RTEL1: variants seen among roughly 807,000 people sequenced by gnomAD.
RTEL1 encodes regulator of telomere elongation helicase 1, also known as regulator of telomere length.
In RTEL1, 86 loss-of-function variants were observed where a neutral mutation model predicts 162.2. The ratio of observed to expected loss-of-function variants is 0.53; its 90% CI spans 0.45 to 0.63. The LOEUF (loss-of-function observed/expected upper bound fraction) is 0.63. RTEL1 is among the 30% of genes least tolerant of loss of function. The pLI is 0.00. For synonymous variants in RTEL1, 958 were observed against 717.9 expected, an observed-to-expected ratio of 1.33 and a Z score of -5.35; for missense variants, 1,941 against 1,750.2, an observed-to-expected ratio of 1.11 and a Z score of -1.95.
intron 34 of RTEL1, 61 bp from the exon 35 acceptor site, chr20:63,695,717 C>G (rs945619212): frequency 6.2e-7 from 1 of 1,603,518 alleles, no homozygotes; most frequent in African/African-American, 1.3e-5. Flanking sequence ...GGGGAAAGGG[C>G]AGGCCCTTGT....
intron 12 of RTEL1, among the ~76,000 whole-genome samples, chr20:63,679,572 G>A (rs2090439990): frequency 6.6e-6 from 1 of 152,136 alleles, no homozygotes; most frequent in South Asian, 2.1e-4. Context: ...CCCACCTGGA[G>A]GCTCCTGAGG....
chr20:63,693,531 A>ACCTCCACCACCTCCACCTCCACCT lies in RTEL1; in HGVS notation c.2992+250_2992+251insTCCACCACCTCCACCTCCACCTCC, dbSNP rs1568720646. The stretch of plus-strand genomic sequence containing the variant: ...CACCTCCTCCACCACCACCACCTCC[A>ACCTCCACCACCTCCACCTCCACCT]CCACCACCACCACCACCACCACCTC... On this transcript the variant is annotated intron_variant, in intron 30 of 34. Coordinates refer to ENST00000360203, the MANE Select transcript of RTEL1 (RefSeq NM_001283009.2). Among the ~76,000 whole-genome samples, 2 of 12,492 alleles carry ACCTCCACCACCTCCACCTCCACCT rather than the reference A, an allele frequency of 1.6e-4. 1 individual carries two copies. The highest frequency in any genetic ancestry group is 3.5e-4 in the Non-Finnish European group (2 of 5,734). The allele number at this position is 12,492 out of a possible 152,430, so 8.2% of individuals were successfully genotyped here. A position where few individuals can be genotyped will look rare whatever the true frequency, so the allele number is the denominator to read the frequency against.
At chr20:63,684,784 T>A (rs907660295) in intron 14 of RTEL1, among the ~76,000 whole-genome samples, 2 of 152,082 alleles carry the variant, frequency 1.3e-5, no homozygotes, top group African/African-American at 4.8e-5. Flanking sequence ...CTTGTTCTTT[T>A]GAAACCTGCC....
chr20:63,667,918 C>T (rs888206620), intron 8 of RTEL1, among the ~76,000 whole-genome samples: 8 of 151,394 alleles, frequency 5.3e-5, no homozygotes, highest in Non-Finnish European at 1.2e-4. Flanking sequence ...CTCTTCCCAG[C>T]GCGTGCCCGG....
chr20:63,692,718 C>G, intron 28 of RTEL1, 87 bp from the exon 29 acceptor site: 1 of 1,306,952 alleles, frequency 7.7e-7, no homozygotes, highest in Non-Finnish European at 1.1e-6. Flanking sequence ...TCCCAGGGAA[C>G]GCTCAATGTT....
Position 63,694,454 on chromosome 20 carries a change from C to T in RTEL1, c.3075C>T (p.Gly1025=), listed in dbSNP as rs766455566. ...QLDPQEHLNQ[G]RPHLSPRPPP... ...ACCCCCAAGAGCACCTGAACCAGGG[C>T]AGGCCCCACCTGTCGCCCAGGCCAC... Residue 1025 remains glycine, a synonymous_variant, in exon 31 of 35, where the codon GGC becomes GGT. Coordinates refer to ENST00000360203, the MANE Select transcript of RTEL1 (RefSeq NM_001283009.2). 1.6e-5 allele frequency: 26 copies of T among 1,606,180 alleles called. No individual in the cohort carries two copies. Among genetic ancestry groups the T allele is most frequent in the Non-Finnish European group, 2.2e-5 (26 of 1,174,656 alleles).
At chr20:63,689,362 A>C in intron 22 of RTEL1, 140 bp from the exon 23 acceptor site, 1 of 1,032,032 alleles carries the variant, frequency 9.7e-7, no homozygotes, top group Non-Finnish European at 1.4e-6. Context: ...GTGGACCCCA[A>C]GTGGGGTCCT....
At position 63,689,663 on chromosome 20, in the gene RTEL1, G is replaced by A. The variant is rs1346019754; in HGVS notation, c.2025+15G>A. The A allele has an allele frequency of 6.2e-7, 1 of 1,609,740 alleles. No homozygotes were observed. Among genetic ancestry groups the A allele is most frequent in the Non-Finnish European group, 8.5e-7 (1 of 1,178,230 alleles). ...CTGGGGGCCAGGTGAGTTACAGCAG[G>A]GTGGGGCTGGGGTAAGGCGGTCTGG... On this transcript the variant is annotated intron_variant, in intron 23 of 34. Coordinates refer to ENST00000360203, the MANE Select transcript of RTEL1 (RefSeq NM_001283009.2).
rs137956338 is a variant in RTEL1, at chr20:63,685,536, T to C, written c.1205T>C (p.Val402Ala). The C allele has an allele frequency of 8.8e-5, 142 of 1,612,548 alleles. No individual in the cohort carries two copies. The African/African-American group carries it at 1.6e-3, about 19-fold the overall frequency. ...TCTGCCTTTCAGATTGTGTTCAGTG[T>C]GGACCCCTCCGAGGGCAGCCCTGGT... ...LADIIQIVFS[V>A]DPSEGSPGSP... Residue 402 changes from valine (V) to alanine (A), a missense_variant, in exon 15 of 35, where the codon GTG becomes GCG. Transcript: ENST00000360203.
chr20:63,691,380 G>T (rs1227938139), intron 27 of RTEL1, among the ~76,000 whole-genome samples: 1 of 152,138 alleles, frequency 6.6e-6, no homozygotes, highest in Non-Finnish European at 1.5e-5. Context: ...TTTTCTCCCT[G>T]CTTCCTGCTG....
chr20:63,691,027 C>T, intron 27 of RTEL1, 80 bp downstream of exon 27: 2 of 1,362,756 alleles, frequency 1.5e-6, no homozygotes, highest in Non-Finnish European at 2.0e-6. Context: ...TGGCCTCAGG[C>T]ACCTCCCCAC....
chr20:63,689,906 G>GC, intron 24 of RTEL1, 41 bp downstream of exon 24: 2 of 1,572,018 alleles, frequency 1.3e-6, no homozygotes, highest in Non-Finnish European at 1.7e-6. Flanking sequence ...CAGGGGACAC[G>GC]CCCACACCCC....
rs542721587 is a variant in RTEL1, at chr20:63,693,924, C to T, written c.2993-448C>T. Among the ~76,000 whole-genome samples, 7 of 151,146 alleles carry T rather than the reference C, an allele frequency of 4.6e-5. No homozygotes were observed. In the South Asian group the frequency reaches 6.3e-4, roughly 14 times the overall value. On this transcript the variant is annotated intron_variant, in intron 30 of 34. Coordinates refer to ENST00000360203, the MANE Select transcript of RTEL1 (RefSeq NM_001283009.2). ...GGGGTCAACTGCACACGCCAGGGTC[C>T]TAGGGTCCTAGACCCCTGTCCTCCC...
Position 63,661,642 on chromosome 20 carries a change from G to C in RTEL1, c.301+146G>C. ...TTTTTTAGCTGCTGTATAATTTCTC[G>C]CCATCGTGGGTGTAAACCTAGGGTT... On this transcript the variant is annotated intron_variant, in intron 3 of 34. Coordinates refer to ENST00000360203, the MANE Select transcript of RTEL1 (RefSeq NM_001283009.2). This position sits in a 1 kb window ranked among gnomAD's most constrained non-coding sequence, Gnocchi z 5.1. 1.0e-6 allele frequency: 1 copy of C among 978,874 alleles called. No individual in the cohort carries two copies. The allele number at this position is 978,874 out of a possible 1,614,324, so 60.6% of individuals were successfully genotyped here.
intron 14 of RTEL1, among the ~76,000 whole-genome samples, chr20:63,685,150 A>T (rs1433578969): frequency 6.8e-6 from 1 of 147,884 alleles, no homozygotes; most frequent in Non-Finnish European, 1.5e-5. Context: ...AGCCTCCCGG[A>T]GTGCTGGGAT....
intron 14 of RTEL1, chr20:63,681,211 T>C (rs1242694580): frequency 7.5e-5 from 74 of 985,308 alleles, no homozygotes; most frequent in Non-Finnish European, 8.7e-5. Flanking sequence ...CCCCGTCCTG[T>C]CCTGCAATGC....
At position 63,695,548 on chromosome 20, in the gene RTEL1, A is replaced by G. The variant is rs2090958078; in HGVS notation, c.3720A>G (p.Ala1240=). The change falls in exon 34 of 35, where the codon GCA becomes GCG. Residue 1240 remains alanine, a synonymous_variant. Coordinates refer to ENST00000360203, the MANE Select transcript of RTEL1 (RefSeq NM_001283009.2). The part of the protein sequence containing the change: ...ATGAPGGPLS[A]GCVCQGCGAE... ...GAGCTCCGGGCGGGCCCCTCTCAGC[A>G]GGCTGTGTGTGCCAGGGCTGTGGGG... 8.1e-6 allele frequency: 13 copies of G among 1,612,362 alleles called. No individual in the cohort carries two copies. Among genetic ancestry groups the G allele is most frequent in the Non-Finnish European group, 9.3e-6 (11 of 1,179,852 alleles).
intron 14 of RTEL1, among the ~76,000 whole-genome samples, chr20:63,683,516 ACACG>A (rs1257871032): frequency 6.6e-6 from 1 of 152,236 alleles, no homozygotes; most frequent in African/African-American, 2.4e-5. Flanking sequence ...GAGTACGCAC[ACACG>A]CACGCACGCC....
At chr20:63,677,272 C>T (rs985053748) in intron 10 of RTEL1, among the ~76,000 whole-genome samples, 4 of 152,196 alleles carry the variant, frequency 2.6e-5, no homozygotes, top group African/African-American at 9.7e-5. Context: ...TGGGTGTTTT[C>T]GTGGAGATAC....
Sources: gnomAD v4.1 joint callset for allele counts (sites outside exome capture counted in the v4.1 genomes callset) on GRCh38, gnomAD v4.1.1 for gene constraint, Gnocchi (gnomAD v3.1) non-coding constraint, MANE v1.5 for transcripts, NCBI Gene and HGNC (gene_info 2026-07-23, HGNC 2026-07-21) for gene names.